The following SH3BGRL2 variants were observed in gnomAD, a reference collection of about 807,000 sequenced individuals.
SH3BGRL2 encodes the protein SH3 domain binding glutamate rich protein like 2.
In SH3BGRL2, 21 loss-of-function variants were observed where a neutral mutation model predicts 14.8. The observed-to-expected ratio is 1.42, with a 90% CI of 1.01 to 2.05. SH3BGRL2 has a LOEUF of 2.05. Among genes scored for constraint, SH3BGRL2 ranks in the 30% most tolerant of loss-of-function variants. The probability of loss-of-function intolerance (pLI) is 0.00; values close to 1 mark genes in which losing one functional copy is unlikely to be tolerated. For missense variants in SH3BGRL2, 147 were observed against 130.8 expected (o/e 1.12, Z -0.61); for synonymous variants, 50 against 47.8 (o/e 1.05, Z -0.19).
chr6:79,671,194 C>T (rs779460862), intron 1 of SH3BGRL2, among the ~76,000 whole-genome samples: 4 of 152,096 alleles, frequency 2.6e-5, no homozygotes, highest in Admixed American at 6.5e-5. Flanking sequence ...AGGTCAGGCA[C>T]GGTGGCTCAC....
chr6:79,618,166 C>A, the SH3BGRL2 span, among the ~76,000 whole-genome samples: 7 of 152,202 alleles, frequency 4.6e-5, no homozygotes, highest in Non-Finnish European at 1.0e-4. Flanking sequence ...AGGCTAAGTG[C>A]TTAATTCTTT....
chr6:79,665,106 A>G (rs912975040), intron 1 of SH3BGRL2, among the ~76,000 whole-genome samples: 5 of 152,208 alleles, frequency 3.3e-5, no homozygotes, highest in Admixed American at 2.0e-4. Flanking sequence ...AGGTTGAGAC[A>G]GGAAAATCGC....
chr6:79,673,280 C>T (rs755315829), intron 1 of SH3BGRL2, among the ~76,000 whole-genome samples: 30 of 151,952 alleles, frequency 2.0e-4, no homozygotes, highest in East Asian at 7.7e-4. Context: ...GTTGAAGAAA[C>T]GACCGTGTTA....
At chr6:79,582,329 A>G in the SH3BGRL2 span, among the ~76,000 whole-genome samples, 1 of 152,162 alleles carries the variant, frequency 6.6e-6, no homozygotes, top group East Asian at 1.9e-4. Flanking sequence ...CATAGCCAAG[A>G]CAATCCTAAG....
chr6:79,555,456 GA>G, the SH3BGRL2 span, among the ~76,000 whole-genome samples: 1 of 150,856 alleles, frequency 6.6e-6, no homozygotes, highest in East Asian at 1.9e-4. Flanking sequence ...TCTCAAAAAG[GA>G]AAAAAAAATC....
chr6:79,559,391 A>G, the SH3BGRL2 span, among the ~76,000 whole-genome samples: 1 of 152,164 alleles, frequency 6.6e-6, no homozygotes, highest in African/African-American at 2.4e-5. Flanking sequence ...AAAAGGACTC[A>G]ACACCACTCA....
the SH3BGRL2 span, among the ~76,000 whole-genome samples, chr6:79,601,838 T>C: frequency 1.8e-4 from 28 of 152,200 alleles, no homozygotes; most frequent in Admixed American, 1.3e-4. Flanking sequence ...ATTTATTTTA[T>C]TTATTTTGCA....
intron 1 of SH3BGRL2, among the ~76,000 whole-genome samples, chr6:79,640,624 G>A (rs962932787): frequency 6.6e-6 from 1 of 151,954 alleles, no homozygotes; most frequent in Non-Finnish European, 1.5e-5. Context: ...GAACTCCAAG[G>A]GGTTGTTTCC....
intron 1 of SH3BGRL2, among the ~76,000 whole-genome samples, chr6:79,665,422 G>T (rs1269116500): frequency 1.3e-5 from 2 of 152,058 alleles, no homozygotes; most frequent in South Asian, 2.1e-4. Context: ...ACTATATAAA[G>T]TCTACTTCTA....
At chr6:79,631,049 C>T (rs1032580430), upstream of SH3BGRL2, among the ~76,000 whole-genome samples, 1 of 152,154 alleles carries the variant, frequency 6.6e-6, no homozygotes, top group Non-Finnish European at 1.5e-5. Context: ...TGAACCGAGC[C>T]CTTTTGCCTA....
chr6:79,648,351 T>C (rs1478756581), intron 1 of SH3BGRL2, among the ~76,000 whole-genome samples: 2 of 144,498 alleles, frequency 1.4e-5, no homozygotes, highest in Non-Finnish European at 3.0e-5. Flanking sequence ...ATAATATATA[T>C]ATATGGCTTC....
At chr6:79,651,511 T>G (rs543658491) in intron 1 of SH3BGRL2, among the ~76,000 whole-genome samples, 6 of 152,316 alleles carry the variant, frequency 3.9e-5, no homozygotes, top group African/African-American at 1.4e-4. Context: ...TCACTAAGTA[T>G]TAAGGTTTCT....
chr6:79,618,921 A>AAAAAAAAAAAAAAAAAAAAAAAAGAT, the SH3BGRL2 span, among the ~76,000 whole-genome samples: 1 of 150,084 alleles, frequency 6.7e-6, no homozygotes, highest in Non-Finnish European at 1.5e-5. Flanking sequence ...TGTCAAAAAA[A>AAAAAAAAAAAAAAAAAAAAAAAAGAT]AAAAAGATAA....
In SH3BGRL2 at chr6:79,688,297, AG is replaced by A. The variant is rs533647043; in HGVS notation, c.232-8187del. On this transcript the variant is annotated intron_variant, in intron 2 of 3. Coordinates refer to ENST00000369838, the MANE Select transcript of SH3BGRL2 (RefSeq NM_031469.4). ...AAATGTTCCCTTAGTGAGTTCGAGT[AG>A]CTTGGTTATGCTATTATCTATACAG... Among the ~76,000 whole-genome samples, 24 of 152,116 alleles carry A rather than the reference AG, an allele frequency of 1.6e-4. No individual in the cohort carries two copies. The South Asian group carries it at 4.6e-3, about 29-fold the overall frequency.
chr6:79,670,071 T>C (rs1213373518), intron 1 of SH3BGRL2, among the ~76,000 whole-genome samples: 2 of 152,244 alleles, frequency 1.3e-5, no homozygotes, highest in African/African-American at 2.4e-5. Context: ...AAAGCAGACA[T>C]AGACAATATG....
chr6:79,585,382 A>G, the SH3BGRL2 span, among the ~76,000 whole-genome samples: 1 of 152,172 alleles, frequency 6.6e-6, no homozygotes, highest in South Asian at 2.1e-4. Context: ...TCAGAAAAAA[A>G]TTTGTCTAGT....
chr6:79,581,354 C>A, the SH3BGRL2 span, among the ~76,000 whole-genome samples: 4 of 152,082 alleles, frequency 2.6e-5, no homozygotes, highest in African/African-American at 9.7e-5. Flanking sequence ...AATTTTAGAC[C>A]AATATCCCTG....
At chr6:79,665,436 G>A (rs1769637932) in intron 1 of SH3BGRL2, among the ~76,000 whole-genome samples, 1 of 152,212 alleles carries the variant, frequency 6.6e-6, no homozygotes, top group South Asian at 2.1e-4. Flanking sequence ...ACTTCTAAAT[G>A]TGGGCTCCCT....
At chr6:79,571,031 A>G in the SH3BGRL2 span, among the ~76,000 whole-genome samples, 1 of 152,216 alleles carries the variant, frequency 6.6e-6, no homozygotes, top group Admixed American at 6.5e-5. Context: ...TTATAGAACT[A>G]ACCTGTTTGT....
Sources: gnomAD v4.1 joint callset for allele counts (sites outside exome capture counted in the v4.1 genomes callset) on GRCh38, gnomAD v4.1.1 for gene constraint, MANE v1.5 for transcripts, NCBI Gene and HGNC (gene_info 2026-07-23, HGNC 2026-07-21) for gene names.